The following RAB22A variants were observed in gnomAD, a reference collection of about 807,000 sequenced individuals.
The protein encoded by RAB22A is RAB22A, member RAS oncogene family.
In RAB22A, 13 loss-of-function variants were observed where a neutral mutation model predicts 30.2. That is an observed-to-expected ratio of 0.43 (90% CI 0.28 to 0.68). The LOEUF (loss-of-function observed/expected upper bound fraction) is 0.68. Ranked by LOEUF, RAB22A falls within the 30% of genes least tolerant of loss-of-function variation. RAB22A has a pLI of 0.18. For synonymous variants in RAB22A, 89 were observed against 87.2 expected (o/e 1.02, Z -0.11); for missense variants, 177 against 246.8 (o/e 0.72, Z 1.89).
Position 58,353,363 on chromosome 20 carries a change from C to A in RAB22A, c.270+19C>A, listed in dbSNP as rs750213820. 9.3e-6 allele frequency: 15 copies of A among 1,611,644 alleles called. No individual in the cohort carries two copies. The highest frequency in any genetic ancestry group is 1.2e-5 in the Non-Finnish European group (14 of 1,178,370). On this transcript the variant is annotated intron_variant, in intron 4 of 6. Coordinates refer to ENST00000244040, the MANE Select transcript of RAB22A (RefSeq NM_020673.3). ...AAAAGAAGTAAGACTATATAGTTTT[C>A]TTTAGATTGTTTTGAAAACTCTTTT...
chr20:58,334,901 T>C (rs943939704), intron 2 of RAB22A, among the ~76,000 whole-genome samples: 3 of 152,200 alleles, frequency 2.0e-5, no homozygotes, highest in African/African-American at 7.2e-5. Context: ...AAATTTCTAA[T>C]AAAAGTATAA....
At position 58,364,080 on chromosome 20, in the gene RAB22A, T is replaced by A. The variant is rs141524529; in HGVS notation, c.*4377T>A. The A allele has an allele frequency of 1.3e-5, 2 of 152,720 alleles. No individual in the cohort carries two copies. Among genetic ancestry groups the A allele is most frequent in the African/African-American group, 4.8e-5 (2 of 41,546 alleles). 9.5% of individuals were successfully genotyped at this position (152,720 alleles called of 1,614,324 possible). A position where few individuals can be genotyped will look rare whatever the true frequency, so the allele number is the denominator to read the frequency against. On this transcript the variant is annotated 3_prime_UTR_variant, in exon 7 of 7. Transcript: ENST00000244040. ...GCATTTGTCCTGTTTTATGTGCAAA[T>A]GAAAGTCTAAAAAATATGAGGAAGA...
At chr20:58,318,653 T>C (rs1311020076) in intron 2 of RAB22A, among the ~76,000 whole-genome samples, 2 of 152,126 alleles carry the variant, frequency 1.3e-5, no homozygotes, top group Non-Finnish European at 2.9e-5. Flanking sequence ...CCTCCCCGCC[T>C]CCTGTTTAAG....
chr20:58,333,902 G>GA (rs1329540147), intron 2 of RAB22A, among the ~76,000 whole-genome samples: 1 of 152,118 alleles, frequency 6.6e-6, no homozygotes, highest in Non-Finnish European at 1.5e-5. Context: ...ACAAGAGAAT[G>GA]AAAAAATTAG....
At chr20:58,335,266 T>A (rs1202685560) in intron 2 of RAB22A, among the ~76,000 whole-genome samples, 4 of 152,240 alleles carry the variant, frequency 2.6e-5, no homozygotes, top group Non-Finnish European at 5.9e-5. Context: ...TGCCGTCACC[T>A]CATTCCCTTT....
chr20:58,319,270 A>G (rs1165588678), intron 2 of RAB22A, among the ~76,000 whole-genome samples: 1 of 152,240 alleles, frequency 6.6e-6, no homozygotes, highest in African/African-American at 2.4e-5. Context: ...ACCAAAAAAC[A>G]AAGCATAAAA....
chr20:58,335,797 TCA>T (rs1986740112), intron 2 of RAB22A, among the ~76,000 whole-genome samples: 1 of 152,234 alleles, frequency 6.6e-6, no homozygotes, highest in African/African-American at 2.4e-5. Flanking sequence ...AAATAGTTCA[TCA>T]CACACAGAGT....
intron 2 of RAB22A, among the ~76,000 whole-genome samples, chr20:58,313,277 C>T (rs1986267506): frequency 6.6e-6 from 1 of 152,170 alleles, no homozygotes. Context: ...CTCACATTTT[C>T]ACAGGGAAAA....
rs1490145858 is a variant in RAB22A, at chr20:58,361,462, T to C, written c.*1759T>C. Reference sequence around the variant, plus strand: ...AAAAGAATGTCATTAGTAAAAATTCTAACTTCGTTTTGTTTAAAAGACATG... The same window carrying C: ...AAAAGAATGTCATTAGTAAAAATTCCAACTTCGTTTTGTTTAAAAGACATG... On this transcript the variant is annotated 3_prime_UTR_variant, in exon 7 of 7. Coordinates refer to ENST00000244040, the MANE Select transcript of RAB22A (RefSeq NM_020673.3). 6.6e-6 allele frequency: 1 copy of C among 152,236 alleles called. No individual in the cohort carries two copies. The highest frequency in any genetic ancestry group is 1.9e-4 in the East Asian group (1 of 5,200). The allele number at this position is 152,236 out of a possible 1,614,324, so 9.4% of individuals were successfully genotyped here.
At chr20:58,329,312 CA>C in intron 2 of RAB22A, among the ~76,000 whole-genome samples, 1 of 152,298 alleles carries the variant, frequency 6.6e-6, no homozygotes, top group Non-Finnish European at 1.5e-5. Flanking sequence ...CTCAGCATCC[CA>C]AAGTGCTGGG....
intron 3 of RAB22A, chr20:58,345,487 C>T (rs2122961068): frequency 6.6e-6 from 1 of 152,442 alleles, no homozygotes; most frequent in East Asian, 1.9e-4. Context: ...TGCACCATCA[C>T]ACAGCCCAGA....
At chr20:58,334,327 G>A (rs117179127) in intron 2 of RAB22A, among the ~76,000 whole-genome samples, 2,380 of 147,418 alleles carry the variant, frequency 0.016, 27 homozygotes, top group Non-Finnish European at 0.02. Context: ...AAGAGCGAAA[G>A]TCCATCTCAA....
At chr20:58,331,028 C>A (rs1426233915) in intron 2 of RAB22A, among the ~76,000 whole-genome samples, 1 of 152,232 alleles carries the variant, frequency 6.6e-6, no homozygotes, top group Non-Finnish European at 1.5e-5. Context: ...TCACTTCTAG[C>A]CAACGCTGGT....
At chr20:58,349,711 A>C (rs900411591) in intron 3 of RAB22A, among the ~76,000 whole-genome samples, 4 of 152,202 alleles carry the variant, frequency 2.6e-5, no homozygotes, top group Non-Finnish European at 5.9e-5. Context: ...CCTAGGACTA[A>C]GGGCAAATCC....
intron 2 of RAB22A, among the ~76,000 whole-genome samples, chr20:58,320,173 G>A (rs1477437175): frequency 5.3e-5 from 8 of 152,104 alleles, no homozygotes; most frequent in Non-Finnish European, 7.4e-5. Context: ...TTGGTATTAC[G>A]TCTTCCTTAA....
intron 2 of RAB22A, among the ~76,000 whole-genome samples, chr20:58,317,023 G>A (rs1821790739): frequency 6.6e-6 from 1 of 152,186 alleles, no homozygotes; most frequent in South Asian, 2.1e-4. Context: ...TCATGGAGAT[G>A]AGACATGGAC....
At chr20:58,334,739 TTTTTTTTTG>T (rs1432119466) in intron 2 of RAB22A, among the ~76,000 whole-genome samples, 1 of 151,980 alleles carries the variant, frequency 6.6e-6, no homozygotes, top group East Asian at 1.9e-4. Flanking sequence ...TACTTTTTTT[TTTTTTTTTG>T]GCCTTATTGT....
Position 58,360,830 on chromosome 20 carries a change from TC to T in RAB22A, c.*1130del, listed in dbSNP as rs975836719. The T allele has an allele frequency of 1.3e-5, 2 of 152,534 alleles. No individual in the cohort carries two copies. Among genetic ancestry groups the T allele is most frequent in the African/African-American group, 4.8e-5 (2 of 41,388 alleles). 9.4% of individuals were successfully genotyped at this position (152,534 alleles called of 1,614,324 possible). On this transcript the variant is annotated 3_prime_UTR_variant, in exon 7 of 7. Coordinates refer to ENST00000244040, the MANE Select transcript of RAB22A (RefSeq NM_020673.3). The stretch of plus-strand genomic sequence containing the variant: ...TTCTACCCACCCGCCTCCCACCAGA[TC>T]CCATCTGGAAATCATAATAAAGACA...
At chr20:58,332,641 A>G (rs749594259) in intron 2 of RAB22A, among the ~76,000 whole-genome samples, 3 of 152,194 alleles carry the variant, frequency 2.0e-5, no homozygotes, top group Admixed American at 6.5e-5. Context: ...CAGTTTCACA[A>G]TTGGCTTCCC....
Sources: allele counts gnomAD v4.1 joint callset (sites outside exome capture counted in the v4.1 genomes callset), GRCh38; gene constraint gnomAD v4.1.1; transcripts MANE v1.5; gene names NCBI Gene and HGNC (gene_info 2026-07-23, HGNC 2026-07-21).